SPHKAP: variants seen among roughly 807,000 people sequenced by gnomAD.
SPHKAP encodes the protein A-kinase anchor protein SPHKAP.
A neutral mutation model predicts 137.5 loss-of-function variants in SPHKAP; 67 were observed. The observed-to-expected ratio is 0.49, with a 90% CI of 0.40 to 0.60. The LOEUF (loss-of-function observed/expected upper bound fraction) is 0.60. SPHKAP is among the 20% of genes least tolerant of loss of function. SPHKAP has a pLI of 0.00. For missense variants in SPHKAP, 2,097 were observed against 2,069.3 expected, an observed-to-expected ratio of 1.01 and a Z score of -0.26; for synonymous variants, 813 against 785.3, an observed-to-expected ratio of 1.04 and a Z score of -0.59.
intron 3 of SPHKAP, among the ~76,000 whole-genome samples, chr2:228,102,256 A>T (rs761239452): frequency 3.6e-4 from 55 of 151,356 alleles, no homozygotes; most frequent in Non-Finnish European, 6.8e-4. Flanking sequence ...TTTTTTTTTT[A>T]AACACACTTG....
intron 7 of SPHKAP, among the ~76,000 whole-genome samples, chr2:227,996,342 TC>T (rs1693639732): frequency 6.6e-6 from 1 of 152,206 alleles, no homozygotes; most frequent in South Asian, 2.1e-4. Context: ...ACCAAGGAGC[TC>T]TCCAGAGCAT....
chr2:228,058,532 C>G (rs1159833994), intron 3 of SPHKAP, among the ~76,000 whole-genome samples: 1 of 152,122 alleles, frequency 6.6e-6, no homozygotes, highest in African/African-American at 2.4e-5. Flanking sequence ...TCCTCTGCAC[C>G]CCGATCCCGC....
At chr2:228,031,279 A>C (rs1212017031) in intron 3 of SPHKAP, among the ~76,000 whole-genome samples, 1 of 152,226 alleles carries the variant, frequency 6.6e-6, no homozygotes, top group African/African-American at 2.4e-5. Flanking sequence ...CTAGCACAGC[A>C]GTCTGAGATC....
chr2:228,096,466 G>A (rs557715976), intron 3 of SPHKAP, among the ~76,000 whole-genome samples: 22 of 152,122 alleles, frequency 1.4e-4, no homozygotes, highest in South Asian at 4.2e-4. Context: ...CCTTGAGCAC[G>A]CTAATATCTC....
intron 3 of SPHKAP, among the ~76,000 whole-genome samples, chr2:228,037,577 C>T (rs1340694746): frequency 1.3e-5 from 2 of 152,110 alleles, no homozygotes; most frequent in African/African-American, 2.4e-5. Flanking sequence ...TGACCTGAAG[C>T]TACATAAATA....
In SPHKAP at chr2:228,017,156, C is replaced by G; in HGVS notation, c.3698G>C (p.Cys1233Ser). The change falls in exon 7 of 12, where the codon TGC becomes TCC. Residue 1233 changes from cysteine (C) to serine (S), a missense_variant. Transcript: ENST00000392056. ...LLSPSLRSPVCHRQSSMPDSR... is the reference protein window; with the variant it reads ...LLSPSLRSPVSHRQSSMPDSR... ...GTCTGGCATGGACGACTGTCTGTGG[C>G]ACACTGGGGATCGCAGAGAAGGAGA... The G allele has an allele frequency of 1.2e-6, 2 of 1,613,934 alleles. No homozygotes were observed. The highest frequency in any genetic ancestry group is 1.7e-6 in the Non-Finnish European group (2 of 1,179,978).
At chr2:228,063,596 T>C (rs1244732587) in intron 3 of SPHKAP, among the ~76,000 whole-genome samples, 2 of 152,356 alleles carry the variant, frequency 1.3e-5, no homozygotes, top group East Asian at 1.9e-4. Flanking sequence ...AACATAGCAA[T>C]GAACTCTGTG....
chr2:228,081,758 A>T (rs1435980811), intron 3 of SPHKAP, among the ~76,000 whole-genome samples: 1 of 152,170 alleles, frequency 6.6e-6, no homozygotes, highest in African/African-American at 2.4e-5. Context: ...TCATGTAAGT[A>T]GGGATTAGAA....
intron 8 of SPHKAP, chr2:227,993,942 A>G (rs1693523936): frequency 1.6e-6 from 1 of 634,220 alleles, no homozygotes; most frequent in African/African-American, 2.0e-5. Context: ...TCTTTTCTTC[A>G]TTCTAGTTAC....
intron 3 of SPHKAP, among the ~76,000 whole-genome samples, chr2:228,071,435 C>T (rs563012915): frequency 1.3e-5 from 2 of 152,324 alleles, no homozygotes; most frequent in East Asian, 1.9e-4. Flanking sequence ...TAAGCCAAGC[C>T]TCTGTCCCAA....
chr2:228,135,939 G>A (rs1699428097), intron 1 of SPHKAP, among the ~76,000 whole-genome samples: 1 of 152,162 alleles, frequency 6.6e-6, no homozygotes. Context: ...TTTAAAGCAT[G>A]TAATATGAGT....
rs186338171 is a variant in SPHKAP at position 228,018,515 on chromosome 2, G to C, written c.2339C>G (p.Thr780Arg). 2 of 1,614,038 alleles carry C rather than the reference G, an allele frequency of 1.2e-6. No individual in the cohort carries two copies. The highest frequency in any genetic ancestry group is 1.3e-5 in the African/African-American group (1 of 74,920). Residue 780 changes from threonine to arginine, a missense_variant, in exon 7 of 12, where the codon ACG becomes AGG. By Grantham distance (71) the Thr-to-Arg change is moderately conservative (BLOSUM62 -1). Coordinates refer to ENST00000392056, the MANE Select transcript of SPHKAP (RefSeq NM_001142644.2). ...CACAAGATTGTTGATGACAAGACTC[G>C]TGTTGTGTGAATTGCTAAGTGGAGA... is the stretch of plus-strand genomic sequence containing the variant. ...SSSPLSNSHN[T>R]SLVINNLVDG...
chr2:228,176,831 CGCCATTGCACTCCA>C (rs1219887118), intron 1 of SPHKAP, among the ~76,000 whole-genome samples: 4 of 152,162 alleles, frequency 2.6e-5, no homozygotes, highest in African/African-American at 9.7e-5. Context: ...GCAGAGATCG[CGCCATTGCACTCCA>C]GCCTGGGCAA....
At chr2:228,039,000 G>A (rs140472199) in intron 3 of SPHKAP, among the ~76,000 whole-genome samples, 12 of 152,292 alleles carry the variant, frequency 7.9e-5, no homozygotes, top group African/African-American at 2.9e-4. Flanking sequence ...TCACAAAGAA[G>A]CATTTGCTAA....
At chr2:228,081,956 C>CA (rs1448300848) in intron 3 of SPHKAP, among the ~76,000 whole-genome samples, 6 of 151,462 alleles carry the variant, frequency 4.0e-5, no homozygotes, top group Admixed American at 6.6e-5. Flanking sequence ...TTCTCACTAC[C>CA]AAAAAAAACC....
intron 1 of SPHKAP, among the ~76,000 whole-genome samples, chr2:228,151,239 C>T (rs1254637791): frequency 2.0e-5 from 3 of 151,792 alleles, no homozygotes; most frequent in African/African-American, 7.3e-5. Context: ...CAGTTTCATC[C>T]ATGTCCCTAC....
At chr2:228,057,780 T>C (rs768974167) in intron 3 of SPHKAP, among the ~76,000 whole-genome samples, 3 of 152,150 alleles carry the variant, frequency 2.0e-5, no homozygotes, top group Non-Finnish European at 2.9e-5. Context: ...TGAACAGGTT[T>C]CAGATTTTGC....
intron 1 of SPHKAP, among the ~76,000 whole-genome samples, chr2:228,133,151 C>CA (rs964318397): frequency 2.0e-5 from 3 of 150,792 alleles, no homozygotes; most frequent in African/African-American, 7.3e-5. Flanking sequence ...TCCTAAAATA[C>CA]AAAAAATTAG....
intron 1 of SPHKAP, among the ~76,000 whole-genome samples, chr2:228,160,267 A>G (rs910029833): frequency 1.3e-5 from 2 of 152,178 alleles, no homozygotes; most frequent in Admixed American, 6.5e-5. Context: ...TGAATGAAAT[A>G]CTTTAATATA....
Sources: allele counts gnomAD v4.1 joint callset (sites outside exome capture counted in the v4.1 genomes callset), GRCh38; gene constraint gnomAD v4.1.1; transcripts MANE v1.5; gene names NCBI Gene and HGNC (gene_info 2026-07-23, HGNC 2026-07-21).